The following DGKG variants were observed in gnomAD, a reference collection of about 807,000 sequenced individuals.
DGKG encodes DAG kinase gamma.
DGKG carries 78 observed loss-of-function variants against 105.3 expected under a neutral mutation model. The ratio of observed to expected loss-of-function variants is 0.74; its 90% confidence interval spans 0.62 to 0.89. DGKG has a LOEUF of 0.89. DGKG is among the 40% of genes least tolerant of loss of function. The probability of loss-of-function intolerance (pLI) is 0.00; values close to 1 mark genes in which losing one functional copy is unlikely to be tolerated. For synonymous variants in DGKG, 346 were observed against 367.1 expected, an observed-to-expected ratio of 0.94 and a Z score of 0.66; for missense variants, 958 against 1,020.1, an observed-to-expected ratio of 0.94 and a Z score of 0.83.
intron 1 of DGKG, among the ~76,000 whole-genome samples, chr3:186,334,484 T>G (rs1026854165): frequency 1.3e-5 from 2 of 152,220 alleles, no homozygotes; most frequent in Admixed American, 6.5e-5. Flanking sequence ...TAGTAATGAT[T>G]CGGCACTGTG....
intron 5 of DGKG, among the ~76,000 whole-genome samples, chr3:186,297,068 T>TCTCTCTCTCACACACACACACA (rs1452573661): frequency 7.7e-6 from 1 of 130,420 alleles, no homozygotes; most frequent in Non-Finnish European, 1.6e-5. Flanking sequence ...TCTGTCTCTC[T>TCTCTCTCTCACACACACACACA]CACACACACA....
chr3:186,238,445 T>C (rs530852748), intron 20 of DGKG, among the ~76,000 whole-genome samples: 9 of 152,332 alleles, frequency 5.9e-5, no homozygotes, highest in African/African-American at 2.2e-4. Flanking sequence ...AACCACCTTG[T>C]ATGTTAAAAT....
intron 24 of DGKG, chr3:186,157,983 A>G (rs536291458): frequency 3.3e-5 from 6 of 181,574 alleles, no homozygotes; most frequent in Non-Finnish European, 6.3e-5. Flanking sequence ...GATTATAAGC[A>G]TGAGCCACCA....
intron 18 of DGKG, 152 bp downstream of exon 18, chr3:186,252,941 A>C (rs1270219619): frequency 1.5e-6 from 1 of 660,106 alleles, no homozygotes; most frequent in Admixed American, 2.4e-5. Context: ...TGGAGGGCAG[A>C]GAAAGGGTCA....
At chr3:186,182,230 T>C (rs185187824) in intron 22 of DGKG, among the ~76,000 whole-genome samples, 14 of 152,300 alleles carry the variant, frequency 9.2e-5, no homozygotes, top group African/African-American at 3.1e-4. Flanking sequence ...TTAAAGATAA[T>C]AGATGAAATC....
chr3:186,339,617 T>C (rs1725993005), intron 1 of DGKG, among the ~76,000 whole-genome samples: 1 of 152,170 alleles, frequency 6.6e-6, no homozygotes, highest in Non-Finnish European at 1.5e-5. Context: ...TTCCCCCAAA[T>C]CTTCCAAAAT....
intron 2 of DGKG, among the ~76,000 whole-genome samples, chr3:186,311,202 G>C (rs1166768425): frequency 6.6e-6 from 1 of 152,078 alleles, no homozygotes; most frequent in Non-Finnish European, 1.5e-5. Flanking sequence ...AAGCTTCCTG[G>C]AATTCAGATG....
chr3:186,321,284 G>A (rs890489565), intron 1 of DGKG, among the ~76,000 whole-genome samples: 36 of 152,176 alleles, frequency 2.4e-4, no homozygotes, highest in African/African-American at 6.8e-4. Context: ...CTCTCATACT[G>A]TGGGTCATTA....
intron 20 of DGKG, among the ~76,000 whole-genome samples, chr3:186,225,668 T>C (rs943793294): frequency 7.9e-5 from 12 of 152,026 alleles, no homozygotes; most frequent in Admixed American, 7.2e-4. Context: ...TACACAGCAC[T>C]CAGGCTAGAG....
chr3:186,261,811 G>T, intron 14 of DGKG, 33 bp from the exon 15 acceptor site: 1 of 1,424,110 alleles, frequency 7.0e-7, no homozygotes, highest in Non-Finnish European at 9.7e-7. Context: ...AATTAGCTCT[G>T]CTTCATCCAA....
At chr3:186,351,864 AG>A (rs1157196742) in intron 1 of DGKG, among the ~76,000 whole-genome samples, 3 of 152,268 alleles carry the variant, frequency 2.0e-5, no homozygotes, top group Non-Finnish European at 4.4e-5. Flanking sequence ...ATGCACATGT[AG>A]GAGATTTACC....
At chr3:186,250,521 GA>G (rs1042829607) in intron 19 of DGKG, among the ~76,000 whole-genome samples, 1 of 142,996 alleles carries the variant, frequency 7.0e-6, no homozygotes, top group African/African-American at 2.6e-5. Flanking sequence ...AATATTTGTT[GA>G]AAAAAAGAAC....
chr3:186,299,779 TTC>T (rs1472289244), intron 3 of DGKG, among the ~76,000 whole-genome samples: 4 of 60,624 alleles, frequency 6.6e-5, no homozygotes, highest in African/African-American at 2.8e-4. Flanking sequence ...CTTTCTTTCT[TTC>T]TTTCTTTCTT....
At chr3:186,344,235 G>A (rs978381175) in intron 1 of DGKG, among the ~76,000 whole-genome samples, 35 of 152,224 alleles carry the variant, frequency 2.3e-4, no homozygotes, top group Non-Finnish European at 5.9e-5. Context: ...CCATTACTGG[G>A]TATGTACCCA....
intron 22 of DGKG, among the ~76,000 whole-genome samples, chr3:186,170,808 G>A (rs9822164): frequency 0.75 from 114,595 of 151,994 alleles, 43,456 homozygotes; most frequent in East Asian, 0.92. Flanking sequence ...TCCCTAGGCC[G>A]TAATATTAAG....
chr3:186,255,953 G>C (rs1045977157), intron 17 of DGKG, among the ~76,000 whole-genome samples: 6 of 152,158 alleles, frequency 3.9e-5, no homozygotes, highest in Admixed American at 2.0e-4. Context: ...TCCTCCTTCT[G>C]TGATCTTCCT....
chr3:186,211,753 G>T, intron 21 of DGKG, 42 bp downstream of exon 21: 2 of 1,457,514 alleles, frequency 1.4e-6, no homozygotes, highest in South Asian at 1.1e-5. Context: ...TCCAGGAGCA[G>T]AACCAAGATC....
chr3:186,160,825 G>A (rs562004618), intron 24 of DGKG: 27 of 985,440 alleles, frequency 2.7e-5, no homozygotes, highest in African/African-American at 2.6e-4. Context: ...TCTAACTGAG[G>A]ACAAACTAAG....
chr3:186,158,974 T>A, intron 24 of DGKG: 1 of 329,182 alleles, frequency 3.0e-6, no homozygotes, highest in Non-Finnish European at 4.3e-6. Context: ...TTATACCTGA[T>A]AAAGGATAAA....
Sources: gnomAD v4.1 joint callset for allele counts (sites outside exome capture counted in the v4.1 genomes callset) on GRCh38, gnomAD v4.1.1 for gene constraint, MANE v1.5 for transcripts, NCBI Gene and HGNC (gene_info 2026-07-23, HGNC 2026-07-21) for gene names.